EML5: variants seen among roughly 807,000 people sequenced by gnomAD.
EML5 encodes the protein echinoderm microtubule-associated protein-like 5.
EML5 carries 120 observed loss-of-function variants against 250.0 expected under a neutral mutation model. The observed-to-expected ratio is 0.48, with a 90% confidence interval of 0.41 to 0.56. The LOEUF is 0.56. Ranked by LOEUF, EML5 falls within the 20% of genes least tolerant of loss-of-function variation. The pLI is 0.00. For synonymous variants in EML5, 771 were observed against 806.5 expected, an observed-to-expected ratio of 0.96 and a Z score of 0.75; for missense variants, 2,006 against 2,437.6, an observed-to-expected ratio of 0.82 and a Z score of 3.73.
chr14:88,636,236 T>C (rs2090718416), intron 32 of EML5, among the ~76,000 whole-genome samples: 1 of 152,176 alleles, frequency 6.6e-6, no homozygotes, highest in Non-Finnish European at 1.5e-5. Context: ...TGGTAGAGAA[T>C]TCTGGGATTT....
At chr14:88,738,850 T>A (rs2093884390) in intron 6 of EML5, 29 bp downstream of exon 6, 2 of 1,542,968 alleles carry the variant, frequency 1.3e-6, no homozygotes, top group East Asian at 4.9e-5. Flanking sequence ...AGAGTTTGCC[T>A]AGTAATAAGA....
chr14:88,626,743 C>T (rs998346296), intron 35 of EML5, 95 bp downstream of exon 35: 2 of 1,218,554 alleles, frequency 1.6e-6, no homozygotes, highest in Non-Finnish European at 2.3e-6. Flanking sequence ...TAGCAGATCA[C>T]AGTATCATCT....
intron 7 of EML5, among the ~76,000 whole-genome samples, chr14:88,727,586 T>C (rs376801166): frequency 6.6e-6 from 1 of 151,894 alleles, no homozygotes; most frequent in East Asian, 1.9e-4. Context: ...TTAGTAGAGA[T>C]GGGGTTTCTC....
At position 88,624,981 on chromosome 14, in the gene EML5, T is replaced by C; in HGVS notation, c.4887A>G (p.Gly1629=). The change falls in exon 36 of 44, where the codon GGA becomes GGG. Residue 1629 remains glycine (G), a synonymous_variant. Transcript: ENST00000554922. The stretch of plus-strand genomic sequence containing the variant: ...GAAAGAGGACTCACGGCCTTTCCTT[T>C]CCCCCAGTCACGATAAGTCCATCTC... ...TLRDGLIVTG[G]KERPSKEGGA... is the part of the protein sequence containing the mutation. The C allele has an allele frequency of 1.2e-6, 2 of 1,613,342 alleles. No homozygotes were observed. Among genetic ancestry groups the C allele is most frequent in the South Asian group, 1.1e-5 (1 of 90,966 alleles).
At chr14:88,618,136 T>G in intron 41 of EML5, 92 bp downstream of exon 41, 1 of 1,012,302 alleles carries the variant, frequency 9.9e-7, no homozygotes, top group Non-Finnish European at 1.5e-6. Context: ...CAATTACTAT[T>G]CCTTATTGGA....
intron 1 of EML5, among the ~76,000 whole-genome samples, chr14:88,777,370 G>A (rs2094456731): frequency 6.6e-6 from 1 of 152,130 alleles, no homozygotes; most frequent in Non-Finnish European, 1.5e-5. Flanking sequence ...GAGAAACAAA[G>A]ACTTTCCCAA....
At chr14:88,761,794 C>T (rs939363592) in intron 1 of EML5, among the ~76,000 whole-genome samples, 2 of 152,146 alleles carry the variant, frequency 1.3e-5, no homozygotes, top group East Asian at 1.9e-4. Flanking sequence ...AATGGTTGAA[C>T]GAATTTACAC....
chr14:88,781,160 T>C (rs1258051404), intron 1 of EML5, among the ~76,000 whole-genome samples: 2 of 152,234 alleles, frequency 1.3e-5, no homozygotes, highest in Non-Finnish European at 2.9e-5. Flanking sequence ...CAAAGATGAC[T>C]GATACAAATA....
chr14:88,784,402 C>T (rs1164883308), intron 1 of EML5, among the ~76,000 whole-genome samples: 1 of 143,876 alleles, frequency 7.0e-6, no homozygotes, highest in African/African-American at 2.6e-5. Flanking sequence ...CCTTTAGCCA[C>T]ATTAAGAAAA....
At position 88,706,174 on chromosome 14, in the gene EML5, T is replaced by A. The variant is rs576448125; in HGVS notation, c.1825+85A>T. 3.1e-6 allele frequency: 4 copies of A among 1,304,856 alleles called. No homozygotes were observed. The South Asian group carries it at 6.7e-5, about 22-fold the overall frequency. 80.8% of individuals were successfully genotyped at this position (1,304,856 alleles called of 1,614,324 possible). On this transcript the variant is annotated intron_variant, in intron 11 of 43. Transcript: ENST00000554922. ...TACACTGTTAACTTATGAGGCCAGA[T>A]TATACTTTAATATAAAATTGTTATT...
chr14:88,722,408 T>G (rs2093604097), intron 8 of EML5, among the ~76,000 whole-genome samples: 1 of 152,182 alleles, frequency 6.6e-6, no homozygotes, highest in South Asian at 2.1e-4. Flanking sequence ...ATGTGGTACA[T>G]GTATACCTTG....
chr14:88,722,962 T>C (rs1025947639), intron 8 of EML5, among the ~76,000 whole-genome samples: 1 of 152,120 alleles, frequency 6.6e-6, no homozygotes, highest in Admixed American at 6.6e-5. Context: ...TGAGAGATTA[T>C]AGAATCTGTA....
intron 17 of EML5, among the ~76,000 whole-genome samples, chr14:88,688,861 A>C (rs912563115): frequency 4.6e-5 from 7 of 152,210 alleles, no homozygotes; most frequent in Non-Finnish European, 7.3e-5. Flanking sequence ...TGCCAACCTC[A>C]TCTCCCTTCT....
Position 88,705,251 on chromosome 14 carries a change from T to C in EML5, c.1932+231A>G, listed in dbSNP as rs140776166. ...TAAAGGAATAAATGTGAGTATACTATGACAAAATCCTATAGGCAAATAGAA... is the reference window on the plus strand; with the variant it reads ...TAAAGGAATAAATGTGAGTATACTACGACAAAATCCTATAGGCAAATAGAA... On this transcript the variant is annotated intron_variant, in intron 12 of 43. Transcript: ENST00000554922. Among the ~76,000 whole-genome samples the C allele has an allele frequency of 8.3e-4, 127 of 152,206 alleles. 1 individual carries two copies. Among genetic ancestry groups the C allele is most frequent in the African/African-American group, 2.5e-3 (104 of 41,554 alleles).
chr14:88,620,733 C>G lies in EML5; in HGVS notation c.5375+21G>C, dbSNP rs1233241438. 6.5e-7 allele frequency: 1 copy of G among 1,543,596 alleles called. No individual in the cohort carries two copies. Among genetic ancestry groups the G allele is most frequent in the Non-Finnish European group, 8.7e-7 (1 of 1,151,760 alleles). On this transcript the variant is annotated intron_variant, in intron 39 of 43. Coordinates refer to ENST00000554922, the MANE Select transcript of EML5 (RefSeq NM_183387.3). The surrounding 1 kb of genome is among the most constrained non-coding windows in gnomAD (Gnocchi z 4.3). Reference sequence around the variant, plus strand: ...TTAAATCAAGTATATACTAGAAACTCTATTCCATTTGTTCACTAACCTGAT... The same window carrying G: ...TTAAATCAAGTATATACTAGAAACTGTATTCCATTTGTTCACTAACCTGAT...
chr14:88,702,916 G>A (rs1307403408), intron 13 of EML5, among the ~76,000 whole-genome samples: 1 of 151,976 alleles, frequency 6.6e-6, no homozygotes, highest in East Asian at 1.9e-4. Flanking sequence ...CACCATGCCT[G>A]GCTAATTTTT....
In EML5 at chr14:88,616,617, A is replaced by T. The variant is rs952757285; in HGVS notation, c.5796+109T>A. ...TAAATAGATTTAGAAAGTTTGGGGA[A>T]AAATTTAGAAATTAGGACAAAACAT... On this transcript the variant is annotated intron_variant, in intron 42 of 43. Transcript: ENST00000554922. 10 of 1,182,020 alleles carry T rather than the reference A, an allele frequency of 8.5e-6. No individual in the cohort carries two copies. In the Middle Eastern group the frequency reaches 8.7e-4, roughly 103 times the overall value. The allele number at this position is 1,182,020 out of a possible 1,614,324, so 73.2% of individuals were successfully genotyped here.
chr14:88,744,703 A>C (rs921763858), intron 3 of EML5, among the ~76,000 whole-genome samples: 1 of 152,126 alleles, frequency 6.6e-6, no homozygotes, highest in African/African-American at 2.4e-5. Flanking sequence ...AATACGAATG[A>C]GAAATGTAAT....
chr14:88,627,341 TAAG>T, intron 34 of EML5: 1 of 453,370 alleles, frequency 2.2e-6, no homozygotes. Flanking sequence ...ATAATTTTCA[TAAG>T]AATCTCCAAA....
Sources: gnomAD v4.1 joint callset for allele counts (sites outside exome capture counted in the v4.1 genomes callset) on GRCh38, gnomAD v4.1.1 for gene constraint, Gnocchi (gnomAD v3.1) non-coding constraint, MANE v1.5 for transcripts, NCBI Gene and HGNC (gene_info 2026-07-23, HGNC 2026-07-21) for gene names.